The following RYR2 variants were observed in gnomAD, a reference collection of about 807,000 sequenced individuals.
RYR2 encodes the protein ryanodine receptor 2, also known as cardiac muscle ryanodine receptor-calcium release channel.
A neutral mutation model predicts 601.1 loss-of-function variants in RYR2; 227 were observed. That is an observed-to-expected ratio of 0.38 (90% CI 0.34 to 0.42). The LOEUF (loss-of-function observed/expected upper bound fraction) is 0.42, where lower values mean the gene tolerates loss of function less well. Ranked by LOEUF, RYR2 falls within the 10% of genes least tolerant of loss-of-function variation. The pLI is 1.00. For missense variants in RYR2, 4,646 were observed against 6,156.5 expected (o/e 0.75, Z 8.21); for synonymous variants, 2,223 against 2,175.1 (o/e 1.02, Z -0.61).
intron 17 of RYR2, among the ~76,000 whole-genome samples, chr1:237,483,343 T>C (rs1662328247): frequency 6.6e-6 from 1 of 152,228 alleles, no homozygotes; most frequent in South Asian, 2.1e-4. Flanking sequence ...CACGTTGCTT[T>C]GATCCAAGCT....
chr1:237,506,485 C>G (rs1311137496), intron 22 of RYR2, among the ~76,000 whole-genome samples: 57 of 150,138 alleles, frequency 3.8e-4, no homozygotes, highest in Admixed American at 3.8e-3. Flanking sequence ...TTGCAGTGAG[C>G]AGAGATCGCG....
intron 90 of RYR2, 119 bp from the exon 91 acceptor site, chr1:237,785,850 G>A: frequency 2.7e-6 from 2 of 738,326 alleles, no homozygotes; most frequent in Non-Finnish European, 2.4e-6. Context: ...TTTTATCGTG[G>A]TATAAGCAAG....
chr1:237,152,276 C>T (rs147332193), intron 1 of RYR2, among the ~76,000 whole-genome samples: 56 of 152,232 alleles, frequency 3.7e-4, no homozygotes, highest in African/African-American at 1.2e-3. Context: ...TGGGTTGGTT[C>T]CATGTCTTCG....
At chr1:237,382,285 G>T (rs1234446859) in intron 8 of RYR2, among the ~76,000 whole-genome samples, 4 of 152,142 alleles carry the variant, frequency 2.6e-5, no homozygotes, top group African/African-American at 4.8e-5. Flanking sequence ...CTTATCTAAA[G>T]GGTGATGGAA....
In RYR2 at chr1:237,042,502, C is replaced by G. The variant is rs778527185; in HGVS notation, c.-20C>G. 9.6e-6 allele frequency: 12 copies of G among 1,248,248 alleles called. No individual in the cohort carries two copies. In the East Asian group the frequency reaches 3.8e-4, roughly 39 times the overall value. 77.3% of individuals were successfully genotyped at this position (1,248,248 alleles called of 1,614,324 possible). A position where few individuals can be genotyped will look rare whatever the true frequency, so the allele number is the denominator to read the frequency against. Reference sequence around the variant, plus strand: ...CTCCGCGGGGCTCGGGAGCCGGCCCCGGCGAGGAGGCGCGGAACCATGGCC... The same window carrying G: ...CTCCGCGGGGCTCGGGAGCCGGCCCGGGCGAGGAGGCGCGGAACCATGGCC... On this transcript the variant is annotated 5_prime_UTR_variant, in exon 1 of 105. Coordinates refer to ENST00000366574, the MANE Select transcript of RYR2 (RefSeq NM_001035.3).
intron 71 of RYR2, among the ~76,000 whole-genome samples, chr1:237,713,931 T>C (rs1404025465): frequency 6.6e-6 from 1 of 152,016 alleles, no homozygotes; most frequent in Non-Finnish European, 1.5e-5. Context: ...CAAAAAAGTA[T>C]CTTTTTATAG....
At chr1:237,312,067 T>G (rs910461016) in intron 2 of RYR2, among the ~76,000 whole-genome samples, 5 of 152,184 alleles carry the variant, frequency 3.3e-5, no homozygotes, top group Non-Finnish European at 7.3e-5. Flanking sequence ...CTTGAAGAGC[T>G]ACTTTTTATG....
At chr1:237,517,397 C>A (rs1467883127) in intron 24 of RYR2, among the ~76,000 whole-genome samples, 1 of 152,032 alleles carries the variant, frequency 6.6e-6, no homozygotes, top group Non-Finnish European at 1.5e-5. Flanking sequence ...CCTTCTAGAC[C>A]AGGGGTGTCC....
At chr1:237,299,914 A>G (rs953352895) in intron 2 of RYR2, among the ~76,000 whole-genome samples, 7 of 152,178 alleles carry the variant, frequency 4.6e-5, no homozygotes, top group African/African-American at 7.2e-5. Context: ...TGTTTAGAAA[A>G]TAATTTCCTT....
intron 36 of RYR2, among the ~76,000 whole-genome samples, chr1:237,612,251 AAGTAGATT>A (rs1375095991): frequency 6.6e-6 from 1 of 152,148 alleles, no homozygotes; most frequent in Non-Finnish European, 1.5e-5. Context: ...TAGAAACGAA[AAGTAGATT>A]AGTAGTTACC....
intron 25 of RYR2, among the ~76,000 whole-genome samples, chr1:237,538,288 G>A (rs924637244): frequency 2.7e-5 from 4 of 149,944 alleles, no homozygotes; most frequent in African/African-American, 7.4e-5. Context: ...CCAGCCACTC[G>A]GGAGGCTGAG....
At chr1:237,591,047 A>G in intron 31 of RYR2, 55 bp downstream of exon 31, 1 of 1,479,608 alleles carries the variant, frequency 6.8e-7, no homozygotes. Flanking sequence ...GGAAGGTTAC[A>G]GTCCAGAGTA....
At chr1:237,101,821 C>T (rs930038418) in intron 1 of RYR2, among the ~76,000 whole-genome samples, 1 of 152,168 alleles carries the variant, frequency 6.6e-6, no homozygotes, top group African/African-American at 2.4e-5. Flanking sequence ...CTGTTTTTCA[C>T]TTTTTCAGTC....
chr1:237,511,852 A>AAC lies in RYR2; in HGVS notation c.2822+62_2822+63insCA. The AAC allele has an allele frequency of 2.7e-5, 26 of 971,892 alleles. 1 individual carries two copies. The highest frequency in any genetic ancestry group is 3.2e-5 in the Non-Finnish European group (22 of 683,912). 60.2% of individuals were successfully genotyped at this position (971,892 alleles called of 1,614,324 possible). On this transcript the variant is annotated intron_variant, in intron 24 of 104. Transcript: ENST00000366574. ...CTTCCCTGAAAAAAAAAAAAAAAAA[A>AAC]AAAAAAACAGGTATTGATGCTATAT...
intron 81 of RYR2, among the ~76,000 whole-genome samples, chr1:237,756,966 C>G (rs535061171): frequency 2.2e-4 from 34 of 152,234 alleles, no homozygotes; most frequent in Admixed American, 6.5e-4. Flanking sequence ...AATTAAGATG[C>G]TGTCATATAT....
At chr1:237,229,505 T>A (rs1418619638) in intron 1 of RYR2, among the ~76,000 whole-genome samples, 1 of 152,142 alleles carries the variant, frequency 6.6e-6, no homozygotes, top group African/African-American at 2.4e-5. Flanking sequence ...GCTGTAAACA[T>A]CCCAGAGTTC....
rs574773296 is a variant in RYR2 at position 237,326,391 on chromosome 1, A to T, written c.169-4487A>T. Among the ~76,000 whole-genome samples, 11 of 152,284 alleles carry T rather than the reference A, an allele frequency of 7.2e-5. 1 individual carries two copies. In the South Asian group the frequency reaches 2.3e-3, roughly 32 times the overall value. ...GTGTTGTCTCCATATGAAAAGTATT[A>T]TTACCCTCCTGCAAGCTTGCTTTAG... On this transcript the variant is annotated intron_variant, in intron 2 of 104. Coordinates refer to ENST00000366574, the MANE Select transcript of RYR2 (RefSeq NM_001035.3).
At chr1:237,145,017 A>G (rs1431422232) in intron 1 of RYR2, among the ~76,000 whole-genome samples, 2 of 150,730 alleles carry the variant, frequency 1.3e-5, no homozygotes, top group African/African-American at 2.4e-5. Flanking sequence ...GAGTTGAACA[A>G]TGAGAACGCA....
At chr1:237,657,407 G>C (rs1683358330) in intron 53 of RYR2, among the ~76,000 whole-genome samples, 1 of 151,774 alleles carries the variant, frequency 6.6e-6, no homozygotes, top group East Asian at 1.9e-4. Context: ...CATCAGACTT[G>C]GTCATCATTT....
Sources: allele counts gnomAD v4.1 joint callset (sites outside exome capture counted in the v4.1 genomes callset), GRCh38; gene constraint gnomAD v4.1.1; transcripts MANE v1.5; gene names NCBI Gene and HGNC (gene_info 2026-07-23, HGNC 2026-07-21).